Variants in MGAT1 observed in about 807,000 individuals in gnomAD.
MGAT1 encodes the protein alpha-1,3-mannosyl-glycoprotein 2-beta-N-acetylglucosaminyltransferase.
In MGAT1, 14 loss-of-function variants were observed where a neutral mutation model predicts 31.7. The ratio of observed to expected loss-of-function variants is 0.44; its 90% CI spans 0.29 to 0.69. The LOEUF is 0.69. MGAT1 is among the 30% of genes least tolerant of loss of function. The probability of loss-of-function intolerance (pLI) is 0.12; values close to 1 mark genes in which losing one functional copy is unlikely to be tolerated. For missense variants in MGAT1, 557 were observed against 626.0 expected (o/e 0.89, Z 1.18); for synonymous variants, 338 against 276.0 (o/e 1.22, Z -2.23).
rs927989228 is a variant in MGAT1 at position 180,793,074 on chromosome 5, T to C, written c.-103A>G. 7.2e-7 allele frequency: 1 copy of C among 1,385,198 alleles called. No homozygotes were observed. Among genetic ancestry groups the C allele is most frequent in the East Asian group, 2.4e-5 (1 of 41,472 alleles). The allele number at this position is 1,385,198 out of a possible 1,614,324, so 85.8% of individuals were successfully genotyped here. A position where few individuals can be genotyped will look rare whatever the true frequency, so the allele number is the denominator to read the frequency against. On this transcript the variant is annotated 5_prime_UTR_variant, in exon 2 of 2. Transcript: ENST00000307826. ...TCCTAGGGATGCCTCCTCTGGACTATGGGATTAGGAGGCAGCCATGCACCT... is the reference window on the plus strand; with the variant it reads ...TCCTAGGGATGCCTCCTCTGGACTACGGGATTAGGAGGCAGCCATGCACCT...
chr5:180,796,549 T>C (rs565793024), intron 1 of MGAT1, among the ~76,000 whole-genome samples: 2 of 152,226 alleles, frequency 1.3e-5, no homozygotes, highest in South Asian at 4.2e-4. Flanking sequence ...CATATCCCCA[T>C]ATTTGATTTT....
Position 180,787,503 on chromosome 5 carries a change from G to C in MGAT1, c.*4131C>G, listed in dbSNP as rs1441649986. The C allele has an allele frequency of 6.6e-6, 1 of 152,222 alleles. No homozygotes were observed. Among genetic ancestry groups the C allele is most frequent in the East Asian group, 1.9e-4 (1 of 5,206 alleles). The allele number at this position is 152,222 out of a possible 1,614,324, so 9.4% of individuals were successfully genotyped here. A position where few individuals can be genotyped will look rare whatever the true frequency, so the allele number is the denominator to read the frequency against. The stretch of plus-strand genomic sequence containing the variant: ...CAGACAAATATGTACATAACACTAT[G>C]GGTTTTGGTGGTAAATGTTTTATCT... On this transcript the variant is annotated 3_prime_UTR_variant, in exon 2 of 2. Coordinates refer to ENST00000307826, the MANE Select transcript of MGAT1 (RefSeq NM_002406.4).
At position 180,793,044 on chromosome 5, in the gene MGAT1, C is replaced by T. The variant is rs1419041779; in HGVS notation, c.-73G>A. 5.1e-6 allele frequency: 8 copies of T among 1,571,030 alleles called. No individual in the cohort carries two copies. The highest frequency in any genetic ancestry group is 2.3e-5 in the South Asian group (2 of 85,192). ...CCTGGGCTTGCCCGGCTCCCTTGCC[C>T]GCAGTCCTAGGGATGCCTCCTCTGG... On this transcript the variant is annotated 5_prime_UTR_variant, in exon 2 of 2. Coordinates refer to ENST00000307826, the MANE Select transcript of MGAT1 (RefSeq NM_002406.4).
At chr5:180,794,400 A>AATTTTTTTTAT (rs1561832109) in intron 1 of MGAT1, among the ~76,000 whole-genome samples, 17 of 122,540 alleles carry the variant, frequency 1.4e-4, no homozygotes, top group African/African-American at 5.7e-4. Flanking sequence ...TCTCAAAAAA[A>AATTTTTTTTAT]TTTTTTTTTA....
chr5:180,811,306 CTG>C (rs1392637382), intron 1 of MGAT1: 1 of 152,118 alleles, frequency 6.6e-6, no homozygotes, highest in Non-Finnish European at 1.5e-5. Context: ...CGTCAGGACT[CTG>C]GAGATGATTT....
intron 1 of MGAT1, among the ~76,000 whole-genome samples, chr5:180,796,561 A>T (rs1366577196): frequency 6.6e-6 from 1 of 152,152 alleles, no homozygotes; most frequent in African/African-American, 2.4e-5. Flanking sequence ...TTTGATTTTT[A>T]AGAAAGTTTA....
At chr5:180,797,961 C>A (rs1201354305) in intron 1 of MGAT1, among the ~76,000 whole-genome samples, 1 of 152,160 alleles carries the variant, frequency 6.6e-6, no homozygotes. Context: ...AACCAGGAGC[C>A]ATACACCCTC....
Position 180,785,102 on chromosome 5 carries a change from C to G in MGAT1, c.*6532G>C, listed in dbSNP as rs1471555096. ...AAGTTTTGGAAGGAAAAAATATTCC[C>G]ATCCTTTAATTCAAGAACATCTACG... On this transcript the variant is annotated 3_prime_UTR_variant, in exon 2 of 2. Coordinates refer to ENST00000307826, the MANE Select transcript of MGAT1 (RefSeq NM_002406.4). 3 of 152,244 alleles carry G rather than the reference C, an allele frequency of 2.0e-5. No homozygotes were observed. The East Asian group carries it at 5.8e-4, about 29-fold the overall frequency. 9.4% of individuals were successfully genotyped at this position (152,244 alleles called of 1,614,324 possible). A position where few individuals can be genotyped will look rare whatever the true frequency, so the allele number is the denominator to read the frequency against.
At chr5:180,802,091 G>T (rs558399148) in intron 1 of MGAT1, among the ~76,000 whole-genome samples, 1 of 152,074 alleles carries the variant, frequency 6.6e-6, no homozygotes, top group Non-Finnish European at 1.5e-5. Flanking sequence ...CAGCAGCAAG[G>T]GTTAACCAAA....
upstream of MGAT1, among the ~76,000 whole-genome samples, chr5:180,804,380 G>A (rs1412296923): frequency 1.3e-5 from 2 of 152,238 alleles, no homozygotes; most frequent in Non-Finnish European, 2.9e-5. Context: ...CCTCTCAGGC[G>A]CTGCCGTGAA....
At chr5:180,796,499 G>C (rs753926295) in intron 1 of MGAT1, among the ~76,000 whole-genome samples, 1 of 152,316 alleles carries the variant, frequency 6.6e-6, no homozygotes, top group Non-Finnish European at 1.5e-5. Context: ...GTGCCCAGCT[G>C]GGGCCATACA....
Position 180,792,417 on chromosome 5 carries a change from G to A in MGAT1, c.555C>T (p.Ile185=), listed in dbSNP as rs147959494. Residue 185 remains isoleucine, a synonymous_variant, in exon 2 of 2, where the codon ATC becomes ATT. Coordinates refer to ENST00000307826, the MANE Select transcript of MGAT1 (RefSeq NM_002406.4). The part of the protein sequence containing the change: ...DHRKFQGYYK[I]ARHYRWALGQ... ...CCAGCGCCCAGCGGTAGTGGCGCGCGATCTTGTAGTAGCCCTGGAACTTGC... is the reference window on the plus strand; with the variant it reads ...CCAGCGCCCAGCGGTAGTGGCGCGCAATCTTGTAGTAGCCCTGGAACTTGC... The A allele has an allele frequency of 1.7e-5, 28 of 1,610,376 alleles. No homozygotes were observed. Among genetic ancestry groups the A allele is most frequent in the Middle Eastern group, 1.6e-4 (1 of 6,080 alleles).
chr5:180,814,369 C>T (rs1319680498), intron 1 of MGAT1, among the ~76,000 whole-genome samples: 1 of 152,218 alleles, frequency 6.6e-6, no homozygotes, highest in East Asian at 1.9e-4. Flanking sequence ...CAACCGCTCC[C>T]TTCTTCTGAC....
rs561664565 is a variant in MGAT1, at chr5:180,790,749, C to T, written c.*885G>A. 2.9e-4 allele frequency: 44 copies of T among 152,430 alleles called. 1 individual carries two copies. The highest frequency in any genetic ancestry group is 6.8e-3 in the Middle Eastern group (2 of 294). The allele number at this position is 152,430 out of a possible 1,614,324, so 9.4% of individuals were successfully genotyped here. ...CAGAGGCGTCCTGGTCACTGCTCCA[C>T]CTGGTCACTGCTCCACCTCATGCTG... On this transcript the variant is annotated 3_prime_UTR_variant, in exon 2 of 2. Coordinates refer to ENST00000307826, the MANE Select transcript of MGAT1 (RefSeq NM_002406.4).
chr5:180,810,807 C>T (rs917089192), intron 1 of MGAT1: 2 of 152,434 alleles, frequency 1.3e-5, no homozygotes, highest in African/African-American at 2.4e-5. Context: ...TCGTTCATCG[C>T]TGCTGTTTCT....
intron 1 of MGAT1, among the ~76,000 whole-genome samples, chr5:180,794,800 G>C (rs1309727947): frequency 6.6e-6 from 1 of 151,862 alleles, no homozygotes; most frequent in East Asian, 1.9e-4. Context: ...ATAACAGGCT[G>C]TTATAACCAA....
rs1460011195 is a variant in MGAT1, at chr5:180,792,301, G to C, written c.671C>G (p.Ala224Gly). 6 of 1,610,046 alleles carry C rather than the reference G, an allele frequency of 3.7e-6. No homozygotes were observed. Among genetic ancestry groups the C allele is most frequent in the Non-Finnish European group, 5.1e-6 (6 of 1,177,472 alleles). ...VAPDFFEYFR[A>G]TYPLLKADPS... ...GTCGGCCTTCAGCAGCGGATAGGTG[G>C]CCCGAAAGTACTCGAAGAAGTCCGG... is the stretch of plus-strand genomic sequence containing the variant. Residue 224 changes from alanine to glycine, a missense_variant, in exon 2 of 2, where the codon GCC becomes GGC. Transcript: ENST00000307826.
chr5:180,802,523 T>G (rs1049854763), intron 1 of MGAT1, among the ~76,000 whole-genome samples, 157 bp downstream of exon 1: 20 of 152,180 alleles, frequency 1.3e-4, no homozygotes, highest in Non-Finnish European at 2.5e-4. Flanking sequence ...AACGCGCAGC[T>G]GGCACCGGGT....
At position 180,792,062 on chromosome 5, in the gene MGAT1, T is replaced by G. The variant is rs573544483; in HGVS notation, c.910A>C (p.Ile304Leu). Residue 304 changes from isoleucine (I) to leucine (L), a missense_variant, in exon 2 of 2, where the codon ATA becomes CTA. Ile to Leu is a conservative substitution (Grantham distance 5). Transcript: ENST00000307826. ...RPEQRQGRAC[I>L]RPEISRTMTF... ...ATCGTTCTTGAGATCTCAGGGCGTATGCAGGCCCGCCCCTGCCGCTGCTCC... is the reference window on the plus strand; with the variant it reads ...ATCGTTCTTGAGATCTCAGGGCGTAGGCAGGCCCGCCCCTGCCGCTGCTCC... 7.4e-5 allele frequency: 120 copies of G among 1,613,220 alleles called. No individual in the cohort carries two copies. The highest frequency in any genetic ancestry group is 1.7e-5 in the Admixed American group (1 of 60,020).
Sources: gnomAD v4.1 joint callset for allele counts (sites outside exome capture counted in the v4.1 genomes callset) on GRCh38, gnomAD v4.1.1 for gene constraint, MANE v1.5 for transcripts, NCBI Gene and HGNC (gene_info 2026-07-23, HGNC 2026-07-21) for gene names.